The following ZNF98 variants were observed in gnomAD, a reference collection of about 807,000 sequenced individuals.
ZNF98 encodes the protein zinc finger protein 98, also known as zinc finger protein 739.
ZNF98 carries 8 observed loss-of-function variants against 12.8 expected under a neutral mutation model. The observed-to-expected ratio is 0.63, with a 90% CI of 0.37 to 1.13. The LOEUF is 1.13. Among genes scored for constraint, ZNF98 ranks in the 50% most tolerant of loss-of-function variants. The pLI is 0.01. For missense variants in ZNF98, 379 were observed against 666.1 expected (o/e 0.57, Z 4.74); for synonymous variants, 112 against 223.5 (o/e 0.50, Z 4.45).
intron 3 of ZNF98, among the ~76,000 whole-genome samples, chr19:22,399,197 T>C (rs1969430815): frequency 6.6e-6 from 1 of 152,204 alleles, no homozygotes; most frequent in South Asian, 2.1e-4. Flanking sequence ...ACAAAGAATT[T>C]GTGTAGATAA....
At chr19:22,395,875 G>T (rs1018316590) in intron 3 of ZNF98, among the ~76,000 whole-genome samples, 11 of 110,846 alleles carry the variant, frequency 9.9e-5, no homozygotes, top group South Asian at 3.1e-4. Context: ...CTGAGGGGGG[G>T]GAAAAAAAAA....
At chr19:22,415,609 CA>C (rs752860395) in intron 1 of ZNF98, among the ~76,000 whole-genome samples, 1 of 28,760 alleles carries the variant, frequency 3.5e-5, no homozygotes, top group South Asian at 8.3e-4. Context: ...CCCATCTCTA[CA>C]AAAAATACAA....
chr19:22,392,654 A>G lies in ZNF98; in HGVS notation c.581T>C (p.Leu194Pro), dbSNP rs747187719. ...TCTTTTATGTTGAGCTAAGTGTGAAAGCATGCAAAATGACTTTTCACATTC... is the reference window on the plus strand; with the variant it reads ...TCTTTTATGTTGAGCTAAGTGTGAAGGCATGCAAAATGACTTTTCACATTC... ...CKECEKSFCM[L>P]SHLAQHKRIH... The change falls in exon 4 of 4, where the codon CTT (leucine) becomes CCT (proline). Residue 194 changes from leucine to proline, a missense_variant. By Grantham distance (98) the Leu-to-Pro change is moderately conservative. Coordinates refer to ENST00000357774, the MANE Select transcript of ZNF98 (RefSeq NM_001098626.2). 2.5e-6 allele frequency: 4 copies of G among 1,591,544 alleles called. No individual in the cohort carries two copies. The highest frequency in any genetic ancestry group is 3.4e-6 in the Non-Finnish European group (4 of 1,167,596).
intron 1 of ZNF98, among the ~76,000 whole-genome samples, chr19:22,421,472 T>TA (rs1487187783): frequency 6.6e-6 from 1 of 152,092 alleles, no homozygotes; most frequent in African/African-American, 2.4e-5. Flanking sequence ...TTCCTAATTT[T>TA]AAAAAATCTA....
chr19:22,396,026 T>C lies in ZNF98; in HGVS notation c.254-3045A>G, dbSNP rs1349945959. On this transcript the variant is annotated intron_variant, in intron 3 of 3. Transcript: ENST00000357774. Reference sequence around the variant, plus strand: ...TATAAAAGATGATGAAAGCAGTTTCTTAAACTGAAAGTAAAAGTATTAAAA... The same window carrying C: ...TATAAAAGATGATGAAAGCAGTTTCCTAAACTGAAAGTAAAAGTATTAAAA... Among the ~76,000 whole-genome samples the C allele has an allele frequency of 6.2e-5, 9 of 145,246 alleles. No homozygotes were observed. The East Asian group carries it at 1.8e-3, about 29-fold the overall frequency.
chr19:22,402,513 TCA>T (rs371877015), intron 3 of ZNF98: 6 of 413,736 alleles, frequency 1.5e-5, no homozygotes, highest in African/African-American at 8.2e-5. Context: ...CAGTCAGATT[TCA>T]CAGTCTCTTA....
rs1969489249 is a variant in ZNF98 at position 22,403,859 on chromosome 19, T to A, written c.31-347A>T. Among the ~76,000 whole-genome samples, 5 of 152,240 alleles carry A rather than the reference T, an allele frequency of 3.3e-5. No individual in the cohort carries two copies. In the South Asian group the frequency reaches 1.0e-3, roughly 31 times the overall value. ...TTTCAGATGGAAAAGACATATTCAG[T>A]TAGAAAATACTGCTCACATGTTAAT... On this transcript the variant is annotated intron_variant, in intron 1 of 3. Coordinates refer to ENST00000357774, the MANE Select transcript of ZNF98 (RefSeq NM_001098626.2).
chr19:22,400,770 T>C (rs1056544981), intron 3 of ZNF98, among the ~76,000 whole-genome samples: 32 of 151,520 alleles, frequency 2.1e-4, no homozygotes, highest in African/African-American at 7.7e-4. Context: ...CTGGCCAACA[T>C]GGTGAAACCC....
At chr19:22,418,758 T>TGTAATCCCA (rs1969672688) in intron 1 of ZNF98, among the ~76,000 whole-genome samples, 1 of 152,180 alleles carries the variant, frequency 6.6e-6, no homozygotes, top group South Asian at 2.1e-4. Context: ...GGTAGGTGCC[T>TGTAATCCCA]GTAATCCCAG....
chr19:22,397,330 C>G (rs1328451914), intron 3 of ZNF98, among the ~76,000 whole-genome samples: 1 of 151,864 alleles, frequency 6.6e-6, no homozygotes, highest in Non-Finnish European at 1.5e-5. Context: ...TATTTTGACA[C>G]TGCACTTGCC....
chr19:22,416,508 G>A (rs982462914), intron 1 of ZNF98, among the ~76,000 whole-genome samples: 1 of 152,016 alleles, frequency 6.6e-6, no homozygotes, highest in Non-Finnish European at 1.5e-5. Flanking sequence ...GGGTGCAGTG[G>A]CTCACGCCTG....
At chr19:22,404,044 C>T (rs928784902) in intron 1 of ZNF98, among the ~76,000 whole-genome samples, 7 of 152,224 alleles carry the variant, frequency 4.6e-5, no homozygotes, top group African/African-American at 1.7e-4. Context: ...CACAGTGAAA[C>T]CCTGGCTCTA....
chr19:22,395,868 AG>A (rs11344417), intron 3 of ZNF98, among the ~76,000 whole-genome samples: 10,616 of 123,564 alleles, frequency 0.086, 543 homozygotes, highest in African/African-American at 0.17. Context: ...CAAAGTCCTG[AG>A]GGGGGGGAAA....
intron 3 of ZNF98, among the ~76,000 whole-genome samples, chr19:22,396,183 A>G (rs1033203544): frequency 1.3e-5 from 2 of 152,226 alleles, no homozygotes; most frequent in African/African-American, 4.8e-5. Context: ...TGAAAAATAA[A>G]AGCACAGAAA....
In ZNF98 at chr19:22,398,479, C is replaced by T. The variant is rs1366277337; in HGVS notation, c.253+4310G>A. Among the ~76,000 whole-genome samples the T allele has an allele frequency of 4.0e-5, 6 of 151,436 alleles. No individual in the cohort carries two copies. The Admixed American group carries it at 4.0e-4, about 10-fold the overall frequency. Reference sequence around the variant, plus strand: ...CTTCCAGGTTCAAGTAATCCTCCCTCCTCAATCTCCCAAGTAGACAGGACC... The same window carrying T: ...CTTCCAGGTTCAAGTAATCCTCCCTTCTCAATCTCCCAAGTAGACAGGACC... On this transcript the variant is annotated intron_variant, in intron 3 of 3. Transcript: ENST00000357774.
At chr19:22,410,339 T>G (rs1183454620) in intron 1 of ZNF98, among the ~76,000 whole-genome samples, 1 of 152,166 alleles carries the variant, frequency 6.6e-6, no homozygotes, top group African/African-American at 2.4e-5. Context: ...GGCAAAGACA[T>G]GGAACCAACC....
intron 1 of ZNF98, among the ~76,000 whole-genome samples, chr19:22,414,232 C>CAAAAAAAAAAAAAA (rs57966582): frequency 3.4e-5 from 3 of 89,388 alleles, no homozygotes; most frequent in Non-Finnish European, 5.9e-5. Context: ...GACTCCATCT[C>CAAAAAAAAAAAAAA]AAAAAAAAAA....
At chr19:22,402,570 G>A (rs1223241169) in intron 3 of ZNF98, 2 of 498,770 alleles carry the variant, frequency 4.0e-6, no homozygotes, top group Admixed American at 4.0e-5. Flanking sequence ...TAAACCTGAA[G>A]AAGATCACCA....
rs1016020540 is a variant in ZNF98 at position 22,393,102 on chromosome 19, G to A, written c.254-121C>T. ...AAGATGTTACAGCAAAATATTACACGCTCTAACATTTTCACAGACATATAA... is the reference window on the plus strand; with the variant it reads ...AAGATGTTACAGCAAAATATTACACACTCTAACATTTTCACAGACATATAA... On this transcript the variant is annotated intron_variant, in intron 3 of 3. Coordinates refer to ENST00000357774, the MANE Select transcript of ZNF98 (RefSeq NM_001098626.2). 6.1e-4 allele frequency: 610 copies of A among 1,004,944 alleles called. 4 individuals carry two copies. The highest frequency in any genetic ancestry group is 1.1e-4 in the South Asian group (4 of 37,504). The allele number at this position is 1,004,944 out of a possible 1,614,324, so 62.3% of individuals were successfully genotyped here.
Sources: allele counts gnomAD v4.1 joint callset (sites outside exome capture counted in the v4.1 genomes callset), GRCh38; gene constraint gnomAD v4.1.1; transcripts MANE v1.5; gene names NCBI Gene and HGNC (gene_info 2026-07-23, HGNC 2026-07-21).